The following TOPAZ1 variants were observed in gnomAD, a reference collection of about 807,000 sequenced individuals.
TOPAZ1 encodes protein TOPAZ1.
A neutral mutation model predicts 172.2 loss-of-function variants in TOPAZ1; 66 were observed. That is an observed-to-expected ratio of 0.38 (90% CI 0.31 to 0.47). The LOEUF is 0.47. TOPAZ1 is among the 20% of genes least tolerant of loss of function. The pLI is 0.99. For synonymous variants in TOPAZ1, 681 were observed against 683.9 expected (o/e 1.00, Z 0.07); for missense variants, 1,822 against 1,972.4 (o/e 0.92, Z 1.44).
At chr3:44,314,090 G>A (rs906890083) in intron 16 of TOPAZ1, among the ~76,000 whole-genome samples, 5 of 151,770 alleles carry the variant, frequency 3.3e-5, no homozygotes, top group Non-Finnish European at 5.9e-5. Flanking sequence ...CCCACGCCTG[G>A]CTAATATTTT....
intron 8 of TOPAZ1, among the ~76,000 whole-genome samples, chr3:44,274,852 T>G (rs1420465802): frequency 6.6e-6 from 1 of 152,004 alleles, no homozygotes; most frequent in Non-Finnish European, 1.5e-5. Flanking sequence ...CCCGGCCGCC[T>G]TTAATTCTTT....
At chr3:44,310,250 A>C (rs1032494044) in intron 16 of TOPAZ1, among the ~76,000 whole-genome samples, 3 of 152,242 alleles carry the variant, frequency 2.0e-5, no homozygotes, top group African/African-American at 7.2e-5. Context: ...CTGTAATCCC[A>C]GCACTTTGGG....
chr3:44,299,914 G>T (rs1166421406), intron 12 of TOPAZ1, among the ~76,000 whole-genome samples: 1 of 122,406 alleles, frequency 8.2e-6, no homozygotes, highest in Non-Finnish European at 1.6e-5. Context: ...AGAACACATG[G>T]ACACAGGAAG....
At chr3:44,301,031 C>G (rs1700266919) in intron 12 of TOPAZ1, among the ~76,000 whole-genome samples, 1 of 152,160 alleles carries the variant, frequency 6.6e-6, no homozygotes, top group South Asian at 2.1e-4. Context: ...CAAAAGGCTA[C>G]ATGCTACACA....
At chr3:44,309,584 G>A (rs1700375616) in intron 15 of TOPAZ1, among the ~76,000 whole-genome samples, 1 of 152,192 alleles carries the variant, frequency 6.6e-6, no homozygotes, top group Non-Finnish European at 1.5e-5. Flanking sequence ...GATAAAGGGG[G>A]TCTGGTGGTA....
At chr3:44,298,390 A>G (rs1234231768) in intron 12 of TOPAZ1, among the ~76,000 whole-genome samples, 1 of 152,110 alleles carries the variant, frequency 6.6e-6, no homozygotes, top group African/African-American at 2.4e-5. Context: ...CCCCAGAGGT[A>G]GAGGCTGCAA....
chr3:44,273,173 T>C (rs570333582), intron 8 of TOPAZ1, among the ~76,000 whole-genome samples: 33 of 152,350 alleles, frequency 2.2e-4, no homozygotes, highest in Admixed American at 1.9e-3. Flanking sequence ...TGAACCTCTC[T>C]AGTTTGGGGT....
intron 12 of TOPAZ1, among the ~76,000 whole-genome samples, chr3:44,298,836 A>G (rs1485920227): frequency 1.8e-5 from 1 of 56,668 alleles, no homozygotes; most frequent in Non-Finnish European, 3.8e-5. Flanking sequence ...CTATATATAT[A>G]TGTTTATATA....
intron 16 of TOPAZ1, among the ~76,000 whole-genome samples, chr3:44,311,144 C>T (rs1559545978): frequency 6.6e-6 from 1 of 152,030 alleles, no homozygotes; most frequent in Non-Finnish European, 1.5e-5. Flanking sequence ...TATTCATATA[C>T]ATGTGATTCA....
At chr3:44,328,875 G>A (rs1700632442) in intron 19 of TOPAZ1, among the ~76,000 whole-genome samples, 1 of 152,152 alleles carries the variant, frequency 6.6e-6, no homozygotes, top group Non-Finnish European at 1.5e-5. Flanking sequence ...ATTTTATAAT[G>A]CTATATATGC....
chr3:44,312,608 T>A (rs1276446160), intron 16 of TOPAZ1, among the ~76,000 whole-genome samples: 2 of 152,312 alleles, frequency 1.3e-5, no homozygotes, highest in South Asian at 4.1e-4. Context: ...GCATTTCACT[T>A]TGACATTTCA....
At chr3:44,273,743 A>G (rs1270085910) in intron 8 of TOPAZ1, among the ~76,000 whole-genome samples, 1 of 152,232 alleles carries the variant, frequency 6.6e-6, no homozygotes. Context: ...GATAGGTCCC[A>G]GCTATCAAGA....
At chr3:44,308,190 G>A (rs191441146) in intron 15 of TOPAZ1, among the ~76,000 whole-genome samples, 3 of 152,090 alleles carry the variant, frequency 2.0e-5, no homozygotes, top group Admixed American at 6.5e-5. Context: ...CCCGGGAGGC[G>A]GAGGTTGCAG....
At chr3:44,296,865 G>A (rs56216414) in intron 12 of TOPAZ1, among the ~76,000 whole-genome samples, 43,310 of 84,074 alleles carry the variant, frequency 0.52, 9,453 homozygotes, top group East Asian at 0.76. Context: ...AAAAAAAAAA[G>A]AAAAAAAAAA....
intron 19 of TOPAZ1, among the ~76,000 whole-genome samples, chr3:44,331,015 T>C (rs1700661371): frequency 6.6e-6 from 1 of 152,236 alleles, no homozygotes; most frequent in South Asian, 2.1e-4. Context: ...AAGTATTTGC[T>C]TATAAGTAAA....
intron 2 of TOPAZ1, among the ~76,000 whole-genome samples, chr3:44,247,952 A>G (rs1407858809): frequency 6.6e-6 from 1 of 152,154 alleles, no homozygotes; most frequent in Admixed American, 6.6e-5. Context: ...TGCCTGGCCT[A>G]ATCTTGACTA....
rs1406652720 is a variant in TOPAZ1, at chr3:44,290,884, G to A, written c.3795G>A (p.Ser1265=). The stretch of plus-strand genomic sequence containing the variant: ...TAACTGCAGTTCTGGAAATGAAATC[G>A]AGGTGAGAAAAATCATTATTATTTA... ...QEITAVLEMK[S]RLQMRRFKKN... Residue 1265 remains serine (S), a splice_region_variant and synonymous_variant, in exon 12 of 20, where the codon TCG becomes TCA. Transcript: ENST00000309765. 3 of 1,534,858 alleles carry A rather than the reference G, an allele frequency of 2.0e-6. No homozygotes were observed. The highest frequency in any genetic ancestry group is 1.8e-6 in the Non-Finnish European group (2 of 1,137,596).
intron 8 of TOPAZ1, 111 bp downstream of exon 8, chr3:44,270,921 G>A (rs1699889100): frequency 2.0e-6 from 2 of 981,438 alleles, no homozygotes; most frequent in Non-Finnish European, 1.4e-6. Flanking sequence ...AGTTTTGCCT[G>A]CTTTTGTTCT....
intron 5 of TOPAZ1, among the ~76,000 whole-genome samples, chr3:44,266,648 A>G (rs1255602762): frequency 6.6e-6 from 1 of 152,198 alleles, no homozygotes; most frequent in Non-Finnish European, 1.5e-5. Context: ...TCATTCATTG[A>G]TTAAGTGTAC....
Sources: gnomAD v4.1 joint callset for allele counts (sites outside exome capture counted in the v4.1 genomes callset) on GRCh38, gnomAD v4.1.1 for gene constraint, MANE v1.5 for transcripts, NCBI Gene and HGNC (gene_info 2026-07-23, HGNC 2026-07-21) for gene names.